The following ABCC3 variants were observed in gnomAD, a reference collection of about 807,000 sequenced individuals.
The protein encoded by ABCC3 is ATP binding cassette subfamily C member 3, also known as ATP-binding cassette sub-family C member 3.
A neutral mutation model predicts 165.3 loss-of-function variants in ABCC3; 121 were observed. The ratio of observed to expected loss-of-function variants is 0.73; its 90% CI spans 0.63 to 0.85. The LOEUF is 0.85. Among genes scored for constraint, ABCC3 ranks in the 40% least tolerant of loss-of-function variants. ABCC3 has a pLI of 0.00. For synonymous variants in ABCC3, 733 were observed against 810.1 expected (o/e 0.90, Z 1.62); for missense variants, 1,869 against 1,964.1 (o/e 0.95, Z 0.92).
Position 50,674,054 on chromosome 17 carries a change from T to C in ABCC3, c.2599+396T>C, listed in dbSNP as rs369602147. Among the ~76,000 whole-genome samples, 46 of 53,718 alleles carry C rather than the reference T, an allele frequency of 8.6e-4. 12 individuals carry two copies. The highest frequency in any genetic ancestry group is 1.8e-3 in the South Asian group (3 of 1,686). The allele number at this position is 53,718 out of a possible 152,430, so 35.2% of individuals were successfully genotyped here. On this transcript the variant is annotated intron_variant, in intron 19 of 30. Transcript: ENST00000285238. ...TCTCTCTCTTTCTTTCTTTCTTTCT[T>C]TCTTTCTTTCTTTCTTTCTTTTTTT...
Position 50,674,712 on chromosome 17 carries a change from A to G in ABCC3, c.2600-650A>G, listed in dbSNP as rs182510783. Among the ~76,000 whole-genome samples the G allele has an allele frequency of 2.2e-3, 340 of 151,748 alleles. 3 individuals carry two copies. The highest frequency in any genetic ancestry group is 3.2e-3 in the Non-Finnish European group (220 of 67,952). On this transcript the variant is annotated intron_variant, in intron 19 of 30. Transcript: ENST00000285238. Reference sequence around the variant, plus strand: ...CTTTCTTGCCTATGGCTATACATACAGCCAACGTGCCTTGAGCATTTACCA... The same window carrying G: ...CTTTCTTGCCTATGGCTATACATACGGCCAACGTGCCTTGAGCATTTACCA...
intron 19 of ABCC3, among the ~76,000 whole-genome samples, chr17:50,675,041 G>A (rs1967770424): frequency 6.6e-6 from 1 of 151,948 alleles, no homozygotes; most frequent in African/African-American, 2.4e-5. Context: ...CTCGTGAGCT[G>A]CCTGCCTCAG....
At chr17:50,664,663 A>G (rs1469314732) in intron 10 of ABCC3, 1 of 165,362 alleles carries the variant, frequency 6.0e-6, no homozygotes. Context: ...AGATCATACC[A>G]CTGCACTCTA....
intron 17 of ABCC3, among the ~76,000 whole-genome samples, chr17:50,672,265 C>T (rs1184536796): frequency 2.0e-5 from 3 of 152,184 alleles, no homozygotes; most frequent in African/African-American, 7.2e-5. Context: ...TGGAATCATC[C>T]AGCATTTGTC....
At chr17:50,687,459 T>G (rs1968042396) in intron 29 of ABCC3, 77 bp from the exon 30 acceptor site, 2 of 1,446,036 alleles carry the variant, frequency 1.4e-6, no homozygotes, top group Non-Finnish European at 1.9e-6. Flanking sequence ...CACTGAGGAG[T>G]GAAACAGGTC....
At chr17:50,660,272 C>CA (rs1384628050) in intron 7 of ABCC3, among the ~76,000 whole-genome samples, 2 of 152,208 alleles carry the variant, frequency 1.3e-5, no homozygotes, top group Non-Finnish European at 2.9e-5. Flanking sequence ...TCAAGGACCA[C>CA]AAACCTGTCT....
At chr17:50,664,702 C>CAAA (rs58513664) in intron 10 of ABCC3, 52 of 47,906 alleles carry the variant, frequency 1.1e-3, no homozygotes, top group South Asian at 1.9e-3. Flanking sequence ...GACTCTGTCT[C>CAAA]AAAAAAAAAA....
At position 50,669,367 on chromosome 17, in the gene ABCC3, G is replaced by A; in HGVS notation, c.2080G>A (p.Val694Met). 1 of 1,614,226 alleles carries A rather than the reference G, an allele frequency of 6.2e-7. No individual in the cohort carries two copies. The highest frequency in any genetic ancestry group is 8.5e-7 in the Non-Finnish European group (1 of 1,180,038). Reference protein sequence around the residue: ...KVHMKGSVAYVPQQAWIQNCT... With the variant: ...KVHMKGSVAYMPQQAWIQNCT... ...CTGTGGCCAGGGCTCCGTGGCCTAT[G>A]TGCCCCAGCAGGCATGGATCCAGAA... Residue 694 changes from valine to methionine, a missense_variant, in exon 17 of 31, where the codon GTG becomes ATG. By Grantham distance (21) the Val-to-Met change is conservative. Coordinates refer to ENST00000285238, the MANE Select transcript of ABCC3 (RefSeq NM_003786.4).
chr17:50,672,732 G>T (rs1422176440), intron 17 of ABCC3, among the ~76,000 whole-genome samples: 4 of 152,080 alleles, frequency 2.6e-5, no homozygotes. Flanking sequence ...CAGTAGCCAG[G>T]CATGGTGGTC....
intron 1 of ABCC3, chr17:50,635,494 A>G: frequency 1.4e-6 from 1 of 702,498 alleles, no homozygotes; most frequent in Non-Finnish European, 2.6e-6. Flanking sequence ...CCTTCTTAGG[A>G]AGGTTTCCTG....
intron 13 of ABCC3, 82 bp downstream of exon 13, chr17:50,668,091 T>G: frequency 8.3e-7 from 1 of 1,209,774 alleles, no homozygotes; most frequent in Admixed American, 1.8e-5. Flanking sequence ...GGGCAAGGGA[T>G]AATCAGGGGG....
At chr17:50,637,800 G>T (rs1379033237) in intron 1 of ABCC3, among the ~76,000 whole-genome samples, 1 of 152,240 alleles carries the variant, frequency 6.6e-6, no homozygotes, top group African/African-American at 2.4e-5. Context: ...GGAGGAGAAA[G>T]AAAAATGGGG....
chr17:50,636,967 G>T (rs963632564), intron 1 of ABCC3, among the ~76,000 whole-genome samples: 6 of 152,218 alleles, frequency 3.9e-5, no homozygotes, highest in Admixed American at 3.9e-4. Context: ...CGGACCCCGG[G>T]GCTGTGGTTA....
At chr17:50,679,675 C>T (rs1470043627) in intron 25 of ABCC3, 123 bp from the exon 26 acceptor site, 3 of 879,632 alleles carry the variant, frequency 3.4e-6, no homozygotes, top group East Asian at 2.5e-5. Flanking sequence ...CCAGGCCCAC[C>T]TGGGTCATCC....
At chr17:50,683,027 GAC>G (rs1967954159) in intron 26 of ABCC3, among the ~76,000 whole-genome samples, 1 of 152,100 alleles carries the variant, frequency 6.6e-6, no homozygotes, top group Non-Finnish European at 1.5e-5. Context: ...AACACAGCGA[GAC>G]ACAGTCTCTT....
chr17:50,656,807 T>C lies in ABCC3; in HGVS notation c.328T>C (p.Leu110=). The C allele has an allele frequency of 2.5e-6, 4 of 1,612,348 alleles. No homozygotes were observed. Among genetic ancestry groups the C allele is most frequent in the Non-Finnish European group, 3.4e-6 (4 of 1,179,302 alleles). The part of the protein sequence containing the change: ...APAPVFFVTP[L]VVGVTMLLAT... ...TGCCCCTGTTTTCTTTGTCACCCCC[T>C]TGGTGGTGGGGGTCACCATGGTCAG... The change falls in exon 3 of 31, where the codon TTG becomes CTG. Residue 110 remains leucine, a synonymous_variant. Coordinates refer to ENST00000285238, the MANE Select transcript of ABCC3 (RefSeq NM_003786.4).
chr17:50,691,044 C>A, intron 30 of ABCC3, 48 bp from the exon 31 acceptor site: 1 of 1,452,500 alleles, frequency 6.9e-7, no homozygotes, highest in Non-Finnish European at 9.7e-7. Flanking sequence ...ACGATGTGAC[C>A]AGGTCAGGGC....
At chr17:50,635,342 G>A (rs1369075034) in intron 1 of ABCC3, 3 of 632,426 alleles carry the variant, frequency 4.7e-6, no homozygotes, top group Admixed American at 2.4e-5. Flanking sequence ...GCAATCAGCC[G>A]CGGGTTCCTG....
At chr17:50,656,429 CCA>C (rs1225507895) in intron 2 of ABCC3, among the ~76,000 whole-genome samples, 1 of 152,212 alleles carries the variant, frequency 6.6e-6, no homozygotes, top group African/African-American at 2.4e-5. Context: ...ACTGGGTTCC[CCA>C]GTCTCACCTG....
Sources: gnomAD v4.1 joint callset for allele counts (sites outside exome capture counted in the v4.1 genomes callset) on GRCh38, gnomAD v4.1.1 for gene constraint, MANE v1.5 for transcripts, NCBI Gene and HGNC (gene_info 2026-07-23, HGNC 2026-07-21) for gene names.